Variants in GALNT9 observed in about 807,000 individuals in gnomAD.
The protein encoded by GALNT9 is GalNAc transferase 9.
Under a neutral mutation model 63.1 loss-of-function variants are expected in GALNT9, and 47 were observed. That is an observed-to-expected ratio of 0.75 (90% CI 0.59 to 0.95). The LOEUF (loss-of-function observed/expected upper bound fraction) is 0.95, where lower values mean the gene tolerates loss of function less well. GALNT9 is among the 40% of genes least tolerant of loss of function. The pLI, the probability that GALNT9 is intolerant of heterozygous loss-of-function variation, is 0.00. For missense variants in GALNT9, 829 were observed against 874.8 expected, an observed-to-expected ratio of 0.95 and a Z score of 0.66; for synonymous variants, 396 against 365.7, an observed-to-expected ratio of 1.08 and a Z score of -0.94.
chr12:132,231,038 G>A (rs1173163188), intron 6 of GALNT9, among the ~76,000 whole-genome samples: 4 of 143,236 alleles, frequency 2.8e-5, no homozygotes, highest in Non-Finnish European at 4.5e-5. Context: ...TCGATGGGGC[G>A]ACAGAGGAGA....
chr12:132,231,078 G>C (rs1420758100), intron 6 of GALNT9, among the ~76,000 whole-genome samples: 119 of 80,254 alleles, frequency 1.5e-3, no homozygotes, highest in Non-Finnish European at 2.1e-3. Context: ...CCACACACTC[G>C]ATGGGGCGAC....
intron 1 of GALNT9, among the ~76,000 whole-genome samples, chr12:132,287,609 G>A (rs1047684273): frequency 7.9e-5 from 12 of 152,276 alleles, no homozygotes; most frequent in East Asian, 5.8e-4. Flanking sequence ...AAGAACAGAC[G>A]GAATCACAAC....
rs558572221 is a variant in GALNT9, at chr12:132,245,354, A to G, written c.1077+2556T>C. Among the ~76,000 whole-genome samples, 1 of 152,222 alleles carries G rather than the reference A, an allele frequency of 6.6e-6. No homozygotes were observed. The highest frequency in any genetic ancestry group is 1.9e-4 in the East Asian group (1 of 5,176). ...CTACTTGGGAGGCTGAAGCAGGAGA[A>G]TCAGTTGAACCCGGGAGGTGGAGGT... is the stretch of plus-strand genomic sequence containing the variant. On this transcript the variant is annotated intron_variant, in intron 6 of 10. Transcript: ENST00000328957. The surrounding 1 kb of genome is among the most constrained non-coding windows in gnomAD (Gnocchi z 6.3).
intron 1 of GALNT9, among the ~76,000 whole-genome samples, chr12:132,309,203 C>G (rs1038374349): frequency 1.3e-5 from 2 of 152,234 alleles, no homozygotes; most frequent in Non-Finnish European, 2.9e-5. Flanking sequence ...CCTGGAGTTT[C>G]CACTTCCTCG....
At chr12:132,225,654 C>T in intron 6 of GALNT9, among the ~76,000 whole-genome samples, 1 of 150,022 alleles carries the variant, frequency 6.7e-6, no homozygotes, top group Admixed American at 6.6e-5. Flanking sequence ...TGTATATACA[C>T]ACCCCACACA....
chr12:132,286,478 C>T lies in GALNT9; in HGVS notation c.239-48G>A, dbSNP rs965168925. 21 of 1,506,952 alleles carry T rather than the reference C, an allele frequency of 1.4e-5. No homozygotes were observed. The highest frequency in any genetic ancestry group is 2.3e-4 in the Middle Eastern group (1 of 4,300). 93.3% of individuals were successfully genotyped at this position (1,506,952 alleles called of 1,614,324 possible). A position where few individuals can be genotyped will look rare whatever the true frequency, so the allele number is the denominator to read the frequency against. Reference sequence around the variant, plus strand: ...GGTCAGGCAGGCCCAGGACACGCTGCGTCTGCACCCAGGAGACGCCCCTCC... The same window carrying T: ...GGTCAGGCAGGCCCAGGACACGCTGTGTCTGCACCCAGGAGACGCCCCTCC... On this transcript the variant is annotated intron_variant, in intron 1 of 10. Transcript: ENST00000328957. This position sits in a 1 kb window ranked among gnomAD's most constrained non-coding sequence, Gnocchi z 7.4.
intron 2 of GALNT9, among the ~76,000 whole-genome samples, chr12:132,266,492 C>T (rs1170898732): frequency 8.5e-5 from 13 of 152,254 alleles, no homozygotes; most frequent in East Asian, 7.7e-4. Context: ...AAATGCAACA[C>T]GGAGGCCCAG....
At position 132,261,916 on chromosome 12, in the gene GALNT9, G is replaced by A. The variant is rs932528794; in HGVS notation, c.586+543C>T. ...GGGACCTGAAGCTGAGGAGGGTGGC[G>A]CTGAGGAACCATGGGGCTTGGGCTC... On this transcript the variant is annotated intron_variant, in intron 3 of 10. Coordinates refer to ENST00000328957, the MANE Select transcript of GALNT9 (RefSeq NM_001122636.2). 3.3e-5 allele frequency among the ~76,000 whole-genome samples: 5 copies of A among 152,210 alleles called. 1 individual carries two copies. Among genetic ancestry groups the A allele is most frequent in the South Asian group, 4.1e-4 (2 of 4,824 alleles).
chr12:132,314,961 G>T (rs543946807), intron 1 of GALNT9, among the ~76,000 whole-genome samples: 1 of 152,196 alleles, frequency 6.6e-6, no homozygotes, highest in African/African-American at 2.4e-5. Flanking sequence ...AAGCGCGACC[G>T]GGTGCCGGGC....
chr12:132,326,563 C>T lies in GALNT9; in HGVS notation c.238+2403G>A, dbSNP rs529706966. Among the ~76,000 whole-genome samples the T allele has an allele frequency of 8.2e-4, 125 of 152,324 alleles. 1 individual carries two copies. Among genetic ancestry groups the T allele is most frequent in the Middle Eastern group, 3.4e-3 (1 of 294 alleles). ...CCCCTCCCCACCCCAGTGGCCCTCC[C>T]GCTCCTCCAGCTCCCATGAAGACGT... is the stretch of plus-strand genomic sequence containing the variant. On this transcript the variant is annotated intron_variant, in intron 1 of 10. Transcript: ENST00000328957.
chr12:132,263,533 A>G (rs1018090238), intron 2 of GALNT9, among the ~76,000 whole-genome samples: 3 of 152,250 alleles, frequency 2.0e-5, no homozygotes, highest in Admixed American at 6.5e-5. Flanking sequence ...CTGCTCAGAA[A>G]GCCTGTGGCA....
chr12:132,303,481 GCACAGAATCGCCCAGA>G (rs1881404645), intron 1 of GALNT9, among the ~76,000 whole-genome samples: 3 of 47,860 alleles, frequency 6.3e-5, no homozygotes, highest in Admixed American at 2.1e-4. Context: ...CCTCACCCGG[GCACAGAATCGCCCAGA>G]CACACCCTCG....
At chr12:132,230,690 TC>T (rs1877857485) in intron 6 of GALNT9, among the ~76,000 whole-genome samples, 3 of 152,158 alleles carry the variant, frequency 2.0e-5, no homozygotes, top group Non-Finnish European at 4.4e-5. Flanking sequence ...TGAGGCCCGG[TC>T]CTCCTGTAGC....
Position 132,329,331 on chromosome 12 carries a change from A to C in GALNT9, c.-128T>G. 7.3e-7 allele frequency: 1 copy of C among 1,366,666 alleles called. No individual in the cohort carries two copies. Among genetic ancestry groups the C allele is most frequent in the Middle Eastern group, 2.2e-4 (1 of 4,472 alleles). The allele number at this position is 1,366,666 out of a possible 1,614,324, so 84.7% of individuals were successfully genotyped here. ...TGCGGGGGCTGCGGGGCTCGGCCGGAGCTGTCCCTTCAGCACCAGCTCAGC... is the reference window on the plus strand; with the variant it reads ...TGCGGGGGCTGCGGGGCTCGGCCGGCGCTGTCCCTTCAGCACCAGCTCAGC... On this transcript the variant is annotated 5_prime_UTR_variant, in exon 1 of 11. Coordinates refer to ENST00000328957, the MANE Select transcript of GALNT9 (RefSeq NM_001122636.2).
intron 1 of GALNT9, among the ~76,000 whole-genome samples, chr12:132,312,833 T>C (rs868908132): frequency 3.7e-4 from 57 of 152,252 alleles, no homozygotes; most frequent in African/African-American, 1.3e-3. Flanking sequence ...GCCCCCAGGG[T>C]GGATCCCCTT....
intron 1 of GALNT9, among the ~76,000 whole-genome samples, chr12:132,314,834 T>C (rs1446610087): frequency 6.6e-6 from 1 of 152,226 alleles, no homozygotes; most frequent in Non-Finnish European, 1.5e-5. Flanking sequence ...TCATGCATCT[T>C]GGGCAGAGCG....
rs1400969227 is a variant in GALNT9, at chr12:132,316,862, GTGGT to G, written c.238+12100_238+12103del. ...GGGGTGGGGCAGCTACCAGCATCTA[GTGGT>G]TGGAGGCCAGGAATGCTGCATGGCC... On this transcript the variant is annotated intron_variant, in intron 1 of 10. Coordinates refer to ENST00000328957, the MANE Select transcript of GALNT9 (RefSeq NM_001122636.2). The surrounding 1 kb of genome is among the most constrained non-coding windows in gnomAD (Gnocchi z 4.3). Among the ~76,000 whole-genome samples the G allele has an allele frequency of 3.3e-5, 5 of 151,874 alleles. No individual in the cohort carries two copies. In the East Asian group the frequency reaches 9.6e-4, roughly 29 times the overall value.
At position 132,321,232 on chromosome 12, in the gene GALNT9, G is replaced by A. The variant is rs1397050166; in HGVS notation, c.238+7734C>T. Among the ~76,000 whole-genome samples, 1,348 of 149,906 alleles carry A rather than the reference G, an allele frequency of 9.0e-3. 15 individuals carry two copies. The highest frequency in any genetic ancestry group is 0.031 in the African/African-American group (1,253 of 40,272). ...TCGAGGCCCCTGTGGGTCTGGAGTC[G>A]AGGCCCCTGTCGGTCCGGAGTCGAG... On this transcript the variant is annotated intron_variant, in intron 1 of 10. Transcript: ENST00000328957.
chr12:132,243,806 C>T (rs1158300125), intron 6 of GALNT9, among the ~76,000 whole-genome samples: 2 of 152,198 alleles, frequency 1.3e-5, no homozygotes, highest in African/African-American at 4.8e-5. Context: ...GACTGGGAAT[C>T]AGCCGCTGTC....
Sources: gnomAD v4.1 joint callset for allele counts (sites outside exome capture counted in the v4.1 genomes callset) on GRCh38, gnomAD v4.1.1 for gene constraint, Gnocchi (gnomAD v3.1) non-coding constraint, MANE v1.5 for transcripts, NCBI Gene and HGNC (gene_info 2026-07-23, HGNC 2026-07-21) for gene names.